Variants in HAP1 observed in about 807,000 individuals in gnomAD.
The protein encoded by HAP1 is huntingtin-associated protein 1.
A neutral mutation model predicts 60.3 loss-of-function variants in HAP1; 59 were observed. The ratio of observed to expected loss-of-function variants is 0.98; its 90% CI spans 0.79 to 1.22. The LOEUF (loss-of-function observed/expected upper bound fraction) is 1.22. HAP1 is among the 50% of genes most tolerant of loss of function. The pLI, the probability that HAP1 is intolerant of heterozygous loss-of-function variation, is 0.00. For synonymous variants in HAP1, 346 were observed against 330.6 expected, an observed-to-expected ratio of 1.05 and a Z score of -0.50; for missense variants, 825 against 785.3, an observed-to-expected ratio of 1.05 and a Z score of -0.60.
At chr17:41,726,365 G>A (rs1476025699) in intron 9 of HAP1, among the ~76,000 whole-genome samples, 6 of 143,626 alleles carry the variant, frequency 4.2e-5, no homozygotes, top group African/African-American at 1.6e-4. Flanking sequence ...AGTAAGCCGA[G>A]ATCACGCCAA....
chr17:41,731,366 T>C, intron 6 of HAP1, 127 bp downstream of exon 6: 1 of 752,194 alleles, frequency 1.3e-6, no homozygotes, highest in Non-Finnish European at 2.4e-6. Context: ...TCAAGGAATG[T>C]ATCCAAGTTC....
chr17:41,729,243 T>C (rs1911929254), intron 6 of HAP1, among the ~76,000 whole-genome samples: 1 of 150,886 alleles, frequency 6.6e-6, no homozygotes, highest in Non-Finnish European at 1.5e-5. Context: ...ACCCGGCTAC[T>C]TGTTTTTTAA....
At chr17:41,729,339 C>T (rs1555589891) in intron 6 of HAP1, among the ~76,000 whole-genome samples, 1 of 149,488 alleles carries the variant, frequency 6.7e-6, no homozygotes, top group Non-Finnish European at 1.5e-5. Context: ...CGCTTGAGGT[C>T]AGGATTTCAA....
intron 6 of HAP1, among the ~76,000 whole-genome samples, chr17:41,729,198 C>T (rs1370248722): frequency 6.6e-6 from 1 of 151,174 alleles, no homozygotes; most frequent in African/African-American, 2.4e-5. Context: ...GCCTCTGCCT[C>T]CCAAAGTGCT....
rs201166499 is a variant in HAP1 at position 41,734,613 on chromosome 17, G to A, written c.22C>T (p.Arg8Trp). Reference sequence around the variant, plus strand: ...CCGAGCCGGCTCCCCGCGCAGCACCGGCCCAACCTCTTCGGGCGCATCTCG... The same window carrying A: ...CCGAGCCGGCTCCCCGCGCAGCACCAGCCCAACCTCTTCGGGCGCATCTCG... MRPKRLGRCCAGSRLGPG... is the reference protein window; with the variant it reads MRPKRLGWCCAGSRLGPG... Residue 8 changes from arginine to tryptophan, a missense_variant, in exon 1 of 11, where the codon CGG becomes TGG. Arg to Trp is a moderately radical substitution (Grantham distance 101). Transcript: ENST00000347901. The A allele has an allele frequency of 6.6e-4, 1,027 of 1,551,990 alleles. No individual in the cohort carries two copies. The African/African-American group carries it at 8.7e-3, about 13-fold the overall frequency.
intron 1 of HAP1, among the ~76,000 whole-genome samples, chr17:41,733,352 CTTTTT>C (rs1226491607): frequency 1.2e-4 from 9 of 74,672 alleles, no homozygotes; most frequent in East Asian, 4.5e-4. Flanking sequence ...CCGCGCCCGG[CTTTTT>C]TTTTTTTTTT....
downstream of HAP1, chr17:41,722,108 CCT>C (rs1911242038): frequency 2.0e-5 from 3 of 152,054 alleles, no homozygotes; most frequent in Non-Finnish European, 4.4e-5. Context: ...GAACTCCTGA[CCT>C]CAAATGATCC....
Position 41,724,304 on chromosome 17 carries a change from A to C in HAP1, c.*397T>G. 6.1e-6 allele frequency: 1 copy of C among 163,256 alleles called. No individual in the cohort carries two copies. The highest frequency in any genetic ancestry group is 1.4e-5 in the Non-Finnish European group (1 of 73,596). 10.1% of individuals were successfully genotyped at this position (163,256 alleles called of 1,614,324 possible). The stretch of plus-strand genomic sequence containing the variant: ...GGGAGGGTGGCTGGCCCTGTCCTCC[A>C]GCCTGGGTCAGCCCCCGGGCTGCTC... On this transcript the variant is annotated 3_prime_UTR_variant, in exon 11 of 11. Coordinates refer to ENST00000347901, the MANE Select transcript of HAP1 (RefSeq NM_177977.3).
rs782583503 is a variant in HAP1 at position 41,734,585 on chromosome 17, G to T, written c.50C>A (p.Pro17His). ...ACAGGTGAGTGCTGCTGGGTCCCCGGGTCCGAGCCGGCTCCCCGCGCAGCA... is the reference window on the plus strand; with the variant it reads ...ACAGGTGAGTGCTGCTGGGTCCCCGTGTCCGAGCCGGCTCCCCGCGCAGCA... The part of the protein sequence containing the change: ...GRCCAGSRLG[P>H]GDPAALTCAP... The change falls in exon 1 of 11, where the codon CCC (proline) becomes CAC (histidine). Residue 17 changes from proline to histidine, a missense_variant. Transcript: ENST00000347901. 19 of 1,581,734 alleles carry T rather than the reference G, an allele frequency of 1.2e-5. No homozygotes were observed. The highest frequency in any genetic ancestry group is 1.6e-5 in the Non-Finnish European group (19 of 1,164,922).
chr17:41,734,134 ACCCGGTCCAGGACCCCGGGGG>A lies in HAP1; in HGVS notation c.469+11_469+31del. ...CCTCCCTGGAGTTGCCCCAGTCCCC[ACCCGGTCCAGGACCCCGGGGG>A]CCCGATTTACCTTCCTCCAGCTCCC... On this transcript the variant is annotated intron_variant, in intron 1 of 10. Transcript: ENST00000347901. The A allele has an allele frequency of 6.6e-7, 1 of 1,524,566 alleles. No homozygotes were observed. The highest frequency in any genetic ancestry group is 8.9e-7 in the Non-Finnish European group (1 of 1,128,568). 94.4% of individuals were successfully genotyped at this position (1,524,566 alleles called of 1,614,324 possible). A position where few individuals can be genotyped will look rare whatever the true frequency, so the allele number is the denominator to read the frequency against.
rs141752762 is a variant in HAP1, at chr17:41,725,046, C to T, written c.1515G>A (p.Ala505=). The T allele has an allele frequency of 5.1e-5, 83 of 1,612,580 alleles. No homozygotes were observed. In the African/African-American group the frequency reaches 6.7e-4, roughly 13 times the overall value. Residue 505 remains alanine, a synonymous_variant, in exon 11 of 11, where the codon GCG becomes GCA. Coordinates refer to ENST00000347901, the MANE Select transcript of HAP1 (RefSeq NM_177977.3). ...GCTCCTCCTGGGGCACGAACTCCTCCGCAGGCGTGAAATCTTCCCCCCGCA... is the reference window on the plus strand; with the variant it reads ...GCTCCTCCTGGGGCACGAACTCCTCTGCAGGCGTGAAATCTTCCCCCCGCA... ...DIMRGEDFTP[A]EEFVPQEELG...
intron 1 of HAP1, 87 bp downstream of exon 1, chr17:41,734,079 G>A: frequency 9.5e-7 from 1 of 1,053,054 alleles, no homozygotes. Context: ...GCTAGAGGGG[G>A]CGGGGTGCCT....
At position 41,724,920 on chromosome 17, in the gene HAP1, C is replaced by T. The variant is rs1555588323; in HGVS notation, c.1641G>A (p.Leu547=). ...TEGWEEVELE[L]DEATRMNVVT... ...CCACGTTCATCCGCGTTGCCTCATC[C>T]AGCTCCAGTTCCACCTCCTCCCAGC... Residue 547 remains leucine (L), a synonymous_variant, in exon 11 of 11, where the codon CTG becomes CTA. Coordinates refer to ENST00000347901, the MANE Select transcript of HAP1 (RefSeq NM_177977.3). The T allele has an allele frequency of 6.2e-7, 1 of 1,613,524 alleles. No homozygotes were observed. Among genetic ancestry groups the T allele is most frequent in the Admixed American group, 1.7e-5 (1 of 60,016 alleles).
In HAP1 at chr17:41,727,161, A is replaced by G; in HGVS notation, c.1276-17T>C. On this transcript the variant is annotated splice_polypyrimidine_tract_variant and intron_variant, in intron 8 of 10. Coordinates refer to ENST00000347901, the MANE Select transcript of HAP1 (RefSeq NM_177977.3). ...AAGAGTCTCCTATGGTGGAGAGAAC[A>G]GACGTTACCAGAGGACCCCCACAGA... 1 of 1,370,402 alleles carries G rather than the reference A, an allele frequency of 7.3e-7. No homozygotes were observed. Among genetic ancestry groups the G allele is most frequent in the Non-Finnish European group, 1.0e-6 (1 of 958,054 alleles). The allele number at this position is 1,370,402 out of a possible 1,614,324, so 84.9% of individuals were successfully genotyped here.
rs78674975 is a variant in HAP1, at chr17:41,731,616, C to T, written c.1002+22G>A. 5.2e-5 allele frequency: 83 copies of T among 1,597,216 alleles called. No individual in the cohort carries two copies. In the East Asian group the frequency reaches 1.1e-3, roughly 21 times the overall value. ...AGTCAACACCCCCTGCTAGCAGGGACGCCCTCCTCCCCCATTCTCACCTCT... is the reference window on the plus strand; with the variant it reads ...AGTCAACACCCCCTGCTAGCAGGGATGCCCTCCTCCCCCATTCTCACCTCT... On this transcript the variant is annotated intron_variant, in intron 5 of 10. Coordinates refer to ENST00000347901, the MANE Select transcript of HAP1 (RefSeq NM_177977.3).
At chr17:41,728,425 G>A in intron 6 of HAP1, 94 bp from the exon 7 acceptor site, 1 of 1,187,394 alleles carries the variant, frequency 8.4e-7, no homozygotes. Flanking sequence ...CCCACCCTCG[G>A]CTGCTGCGCT....
chr17:41,731,794 T>C lies in HAP1; in HGVS notation c.897-51A>G, dbSNP rs1555591068. The C allele has an allele frequency of 2.2e-6, 3 of 1,360,088 alleles. No individual in the cohort carries two copies. The Admixed American group carries it at 5.1e-5, about 23-fold the overall frequency. 84.3% of individuals were successfully genotyped at this position (1,360,088 alleles called of 1,614,324 possible). On this transcript the variant is annotated intron_variant, in intron 4 of 10. Transcript: ENST00000347901. ...GGGTGCAGGGAGTGGGGCTTCCCAG[T>C]TCCCAGCCCACCAGGGCTAAGGGCA...
intron 2 of HAP1, 127 bp from the exon 3 acceptor site, chr17:41,732,521 T>C: frequency 9.2e-7 from 1 of 1,092,032 alleles, no homozygotes; most frequent in Non-Finnish European, 1.3e-6. Context: ...CAGTTTCCCC[T>C]CATGGAAAAA....
At position 41,727,831 on chromosome 17, in the gene HAP1, C is replaced by G. The variant is rs572800448; in HGVS notation, c.1206G>C (p.Gly402=). The part of the protein sequence containing the change: ...LKLQQRCRMY[G]AETEKLQKQL... ...GCTTCTGCAACTTTTCAGTCTCAGC[C>G]CCATACTGGAAGGACCCAAAACCAG... is the stretch of plus-strand genomic sequence containing the variant. Residue 402 remains glycine, a synonymous_variant, in exon 8 of 11, where the codon GGG becomes GGC. Coordinates refer to ENST00000347901, the MANE Select transcript of HAP1 (RefSeq NM_177977.3). 16 of 1,605,026 alleles carry G rather than the reference C, an allele frequency of 1.0e-5. No individual in the cohort carries two copies. In the Admixed American group the frequency reaches 1.7e-4, roughly 17 times the overall value.
Sources: allele counts gnomAD v4.1 joint callset (sites outside exome capture counted in the v4.1 genomes callset), GRCh38; gene constraint gnomAD v4.1.1; transcripts MANE v1.5; gene names NCBI Gene and HGNC (gene_info 2026-07-23, HGNC 2026-07-21).